Variants in TAF1A observed in about 807,000 individuals in gnomAD.
TAF1A encodes the protein TATA-box binding protein associated factor, RNA polymerase I subunit A.
In TAF1A, 42 loss-of-function variants were observed where a neutral mutation model predicts 61.6. The ratio of observed to expected loss-of-function variants is 0.68; its 90% CI spans 0.53 to 0.88. The LOEUF (loss-of-function observed/expected upper bound fraction) is 0.88. TAF1A is among the 40% of genes least tolerant of loss of function. The pLI is 0.00. For missense variants in TAF1A, 424 were observed against 518.7 expected, an observed-to-expected ratio of 0.82 and a Z score of 1.77; for synonymous variants, 179 against 177.7, an observed-to-expected ratio of 1.01 and a Z score of -0.06.
intron 2 of TAF1A, among the ~76,000 whole-genome samples, chr1:222,586,961 T>A (rs368116881): frequency 2.0e-5 from 3 of 152,266 alleles, no homozygotes; most frequent in Non-Finnish European, 4.4e-5. Context: ...TTCCTAAGCA[T>A]GTAAATTTTG....
downstream of TAF1A, among the ~76,000 whole-genome samples, chr1:222,555,493 G>T (rs1659715288): frequency 6.6e-6 from 1 of 152,186 alleles, no homozygotes; most frequent in African/African-American, 2.4e-5. Context: ...CATCTCACTT[G>T]TATGTGAAAT....
Position 222,561,382 on chromosome 1 carries a change from C to T in TAF1A, c.1222G>A (p.Gly408Ser), listed in dbSNP as rs1214080169. Residue 408 changes from glycine (G) to serine (S), a missense_variant, in exon 10 of 11, where the codon GGT (glycine) becomes AGT (serine). Physicochemically the swap from Gly to Ser is moderately conservative, Grantham distance 56 (BLOSUM62 0). Transcript: ENST00000352967. ...ACTGTACCTTTTCCTAACAGTAAAC[C>T]AGCCACAAAAGCTTTCTCACAGGCC... ...ALACEKAFVA[G>S]LLLGKGCRYF... The T allele has an allele frequency of 3.7e-6, 6 of 1,603,630 alleles. No homozygotes were observed. In the African/African-American group the frequency reaches 6.7e-5, roughly 18 times the overall value.
intron 7 of TAF1A, 113 bp from the exon 8 acceptor site, chr1:222,564,238 TTAAG>T: frequency 2.1e-6 from 1 of 480,624 alleles, no homozygotes; most frequent in Non-Finnish European, 3.6e-6. Context: ...TTTAAATTTA[TTAAG>T]TATTTTAAAA....
intron 5 of TAF1A, among the ~76,000 whole-genome samples, chr1:222,574,028 T>C (rs375382008): frequency 6.6e-6 from 1 of 152,008 alleles, no homozygotes; most frequent in Admixed American, 6.6e-5. Flanking sequence ...GACCACATAC[T>C]GTATGATTCC....
Position 222,569,623 on chromosome 1 carries a change from T to C in TAF1A, c.781A>G (p.Thr261Ala). The change falls in exon 7 of 11, where the codon ACC (threonine) becomes GCC (alanine). Residue 261 changes from threonine to alanine, a missense_variant. By Grantham distance (58) the Thr-to-Ala change is moderately conservative (BLOSUM62 0). Transcript: ENST00000352967. ...AACTTTTCATCATATGCATAATTGG[T>C]GAGTACCTCTTGGGCTCCATCTCGA... is the stretch of plus-strand genomic sequence containing the variant. ...GDRDGAQEVL[T>A]NYAYDEKFPS... 6.2e-7 allele frequency: 1 copy of C among 1,614,058 alleles called. No homozygotes were observed. Among genetic ancestry groups the C allele is most frequent in the Middle Eastern group, 1.6e-4 (1 of 6,062 alleles).
chr1:222,567,691 C>G (rs963287641), intron 7 of TAF1A, among the ~76,000 whole-genome samples: 1 of 152,162 alleles, frequency 6.6e-6, no homozygotes, highest in Non-Finnish European at 1.5e-5. Context: ...AAAATCTCAG[C>G]AAGACCTTTT....
At chr1:222,567,832 T>C (rs1289561582) in intron 7 of TAF1A, among the ~76,000 whole-genome samples, 1 of 152,170 alleles carries the variant, frequency 6.6e-6, no homozygotes, top group African/African-American at 2.4e-5. Flanking sequence ...GCTACAAAGC[T>C]ACAGTAACCA....
At position 222,588,503 on chromosome 1, in the gene TAF1A, A is replaced by C. The variant is rs1661115436; in HGVS notation, c.61T>G (p.Ser21Ala). Residue 21 changes from serine (S) to alanine (A), a missense_variant, in exon 2 of 11, where the codon TCT becomes GCT. By Grantham distance (99) the Ser-to-Ala change is moderately conservative (BLOSUM62 1). Transcript: ENST00000352967. ...TGCATTCCTGCACCACTGAGCACAGATGTTTCCACTTCTTCATCATCTGTC... is the reference window on the plus strand; with the variant it reads ...TGCATTCCTGCACCACTGAGCACAGCTGTTTCCACTTCTTCATCATCTGTC... Reference protein sequence around the residue: ...PVTDDEEVETSVLSGAGMHFP... With the variant: ...PVTDDEEVETAVLSGAGMHFP... The C allele has an allele frequency of 6.2e-7, 1 of 1,614,000 alleles. No homozygotes were observed. Among genetic ancestry groups the C allele is most frequent in the African/African-American group, 1.3e-5 (1 of 74,944 alleles).
rs529555119 is a variant in TAF1A at position 222,577,075 on chromosome 1, C to T, written c.604+370G>A. Among the ~76,000 whole-genome samples, 7 of 151,264 alleles carry T rather than the reference C, an allele frequency of 4.6e-5. No homozygotes were observed. In the South Asian group the frequency reaches 1.5e-3, roughly 32 times the overall value. On this transcript the variant is annotated intron_variant, in intron 5 of 10. Transcript: ENST00000352967. Reference sequence around the variant, plus strand: ...TGCCTTCTGCTTTTTAAGCTCCCCACCCCCACCCTTTACAACCCCAAGTCA... The same window carrying T: ...TGCCTTCTGCTTTTTAAGCTCCCCATCCCCACCCTTTACAACCCCAAGTCA...
chr1:222,580,831 C>T (rs986070697), intron 3 of TAF1A, among the ~76,000 whole-genome samples: 2 of 151,508 alleles, frequency 1.3e-5, no homozygotes, highest in African/African-American at 2.4e-5. Flanking sequence ...CCAGTGTACA[C>T]AGTAATTACA....
At chr1:222,571,880 G>T (rs1188991637) in intron 5 of TAF1A, among the ~76,000 whole-genome samples, 1 of 152,084 alleles carries the variant, frequency 6.6e-6, no homozygotes, top group Non-Finnish European at 1.5e-5. Context: ...AGGGACCAAA[G>T]AAGAACAAAG....
In TAF1A at chr1:222,567,515, C is replaced by A. The variant is rs138155264; in HGVS notation, c.894+1995G>T. ...TAAGCAATATTATATACAACAACCCCATGAAACACTTAGGGACAAATTTAA... is the reference window on the plus strand; with the variant it reads ...TAAGCAATATTATATACAACAACCCAATGAAACACTTAGGGACAAATTTAA... On this transcript the variant is annotated intron_variant, in intron 7 of 10. Transcript: ENST00000352967. Among the ~76,000 whole-genome samples, 16 of 152,260 alleles carry A rather than the reference C, an allele frequency of 1.1e-4. No individual in the cohort carries two copies. In the East Asian group the frequency reaches 1.7e-3, roughly 17 times the overall value.
intron 7 of TAF1A, 139 bp from the exon 8 acceptor site, chr1:222,564,264 C>A (rs1393331799): frequency 7.7e-6 from 2 of 259,874 alleles, no homozygotes; most frequent in Non-Finnish European, 1.5e-5. Flanking sequence ...TACCCTGGCT[C>A]TTTATCTAGT....
rs747744787 is a variant in TAF1A at position 222,579,914 on chromosome 1, C to T, written c.292-42G>A. 22 of 1,579,146 alleles carry T rather than the reference C, an allele frequency of 1.4e-5. No individual in the cohort carries two copies. The African/African-American group carries it at 2.6e-4, about 19-fold the overall frequency. On this transcript the variant is annotated intron_variant, in intron 3 of 10. Transcript: ENST00000352967. ...TACTGCCAAAATGTAAAATTTTTGC[C>T]TTAACCAATTTCTGTCTAAGATATT...
chr1:222,576,502 G>C (rs981037297), intron 5 of TAF1A, among the ~76,000 whole-genome samples: 1 of 152,190 alleles, frequency 6.6e-6, no homozygotes, highest in South Asian at 2.1e-4. Context: ...CCCCTACGGA[G>C]AAACTATACA....
intron 10 of TAF1A, among the ~76,000 whole-genome samples, chr1:222,560,242 T>C (rs964215021): frequency 6.6e-6 from 1 of 152,150 alleles, no homozygotes; most frequent in Non-Finnish European, 1.5e-5. Context: ...AACTAATGAA[T>C]AGACTGACTC....
rs1354238053 is a variant in TAF1A at position 222,569,278 on chromosome 1, G to T, written c.894+232C>A. The T allele has an allele frequency of 3.5e-6, 5 of 1,435,662 alleles. No individual in the cohort carries two copies. The South Asian group carries it at 5.4e-5, about 16-fold the overall frequency. 88.9% of individuals were successfully genotyped at this position (1,435,662 alleles called of 1,614,324 possible). ...ATCAGTGCAGAGTATTCCAACCAGG[G>T]TTGCACAAGACTTCTGATCCTCTCT... On this transcript the variant is annotated intron_variant, in intron 7 of 10. Transcript: ENST00000352967.
intron 7 of TAF1A, among the ~76,000 whole-genome samples, chr1:222,566,489 T>A (rs760664769): frequency 1.6e-4 from 25 of 152,186 alleles, no homozygotes; most frequent in Non-Finnish European, 3.5e-4. Flanking sequence ...GTAGAATCAG[T>A]GAGAGCCCTT....
intron 2 of TAF1A, among the ~76,000 whole-genome samples, chr1:222,588,167 CA>C (rs1661095954): frequency 6.6e-6 from 1 of 152,196 alleles, no homozygotes; most frequent in Non-Finnish European, 1.5e-5. Flanking sequence ...ACCATATCTT[CA>C]CCTATGACTC....
Sources: allele counts gnomAD v4.1 joint callset (sites outside exome capture counted in the v4.1 genomes callset), GRCh38; gene constraint gnomAD v4.1.1; transcripts MANE v1.5; gene names NCBI Gene and HGNC (gene_info 2026-07-23, HGNC 2026-07-21).